The following ALK variants were observed in gnomAD, a reference collection of about 807,000 sequenced individuals.
ALK encodes the protein ALK receptor tyrosine kinase.
In ALK, 74 loss-of-function variants were observed where a neutral mutation model predicts 163.1. That is an observed-to-expected ratio of 0.45 (90% confidence interval 0.38 to 0.55). The LOEUF (loss-of-function observed/expected upper bound fraction) is 0.55. ALK is among the 20% of genes least tolerant of loss of function. The pLI is 0.00. For missense variants in ALK, 2,063 were observed against 2,105.3 expected, an observed-to-expected ratio of 0.98 and a Z score of 0.39; for synonymous variants, 960 against 843.2, an observed-to-expected ratio of 1.14 and a Z score of -2.40.
chr2:29,811,362 G>C (rs1233169051), intron 1 of ALK, among the ~76,000 whole-genome samples: 2 of 152,164 alleles, frequency 1.3e-5, no homozygotes, highest in Non-Finnish European at 2.9e-5. Flanking sequence ...AAAAGAAGCA[G>C]AGATAACCAG....
chr2:29,474,733 G>A (rs1671460414), intron 4 of ALK, among the ~76,000 whole-genome samples: 1 of 152,152 alleles, frequency 6.6e-6, no homozygotes, highest in South Asian at 2.1e-4. Flanking sequence ...GTACAGAAAC[G>A]TATTCGTGAA....
chr2:29,604,950 A>G (rs1463366989), intron 3 of ALK, among the ~76,000 whole-genome samples: 2 of 152,202 alleles, frequency 1.3e-5, no homozygotes, highest in East Asian at 3.9e-4. Flanking sequence ...ATATTCTGAC[A>G]TATTTCACTC....
intron 4 of ALK, among the ~76,000 whole-genome samples, chr2:29,467,438 T>C (rs1193367737): frequency 1.3e-5 from 2 of 152,232 alleles, no homozygotes; most frequent in East Asian, 3.8e-4. Flanking sequence ...ATTTTTCAGT[T>C]ACATAAGCCA....
intron 3 of ALK, among the ~76,000 whole-genome samples, chr2:29,577,369 T>G (rs1381463465): frequency 3.3e-5 from 5 of 152,234 alleles, no homozygotes; most frequent in Non-Finnish European, 5.9e-5. Flanking sequence ...TTGTATGCTC[T>G]GCTCAGTCAC....
chr2:29,331,158 T>G (rs1226411177), intron 5 of ALK, among the ~76,000 whole-genome samples: 3 of 152,132 alleles, frequency 2.0e-5, no homozygotes, highest in Non-Finnish European at 4.4e-5. Context: ...GGACTATTCA[T>G]CTCTACCTTT....
At chr2:29,797,948 A>G (rs1409500810) in intron 1 of ALK, among the ~76,000 whole-genome samples, 1 of 152,174 alleles carries the variant, frequency 6.6e-6, no homozygotes, top group Non-Finnish European at 1.5e-5. Context: ...AAGTAGAGCC[A>G]CCTGCGGAAG....
intron 4 of ALK, among the ~76,000 whole-genome samples, chr2:29,392,979 A>AGTTCATGGTCACTGAAT (rs1553310570): frequency 2.0e-5 from 3 of 151,506 alleles, no homozygotes; most frequent in Non-Finnish European, 4.4e-5. Context: ...GATCACTCAA[A>AGTTCATGGTCACTGAAT]GTTCAAGGTC....
chr2:29,611,639 G>C (rs937174401), intron 3 of ALK, among the ~76,000 whole-genome samples: 4 of 152,180 alleles, frequency 2.6e-5, no homozygotes, highest in African/African-American at 9.7e-5. Context: ...CACAGTTAGG[G>C]GGAGGGGCCT....
At chr2:29,486,842 C>T (rs188929038) in intron 4 of ALK, among the ~76,000 whole-genome samples, 4 of 152,088 alleles carry the variant, frequency 2.6e-5, no homozygotes. Context: ...TAATTAAAAC[C>T]AAAGTGGGCA....
chr2:29,228,096 G>A (rs1285645361), intron 16 of ALK, among the ~76,000 whole-genome samples: 3 of 152,162 alleles, frequency 2.0e-5, no homozygotes, highest in African/African-American at 2.4e-5. Flanking sequence ...CGGGAAATGA[G>A]CCCCTGTGCC....
chr2:29,480,396 A>G (rs750530873), intron 4 of ALK, among the ~76,000 whole-genome samples: 1 of 152,238 alleles, frequency 6.6e-6, no homozygotes, highest in Non-Finnish European at 1.5e-5. Flanking sequence ...TGTCTCTAAA[A>G]TATTTCATAA....
At chr2:29,518,218 C>A (rs1302891794) in intron 4 of ALK, among the ~76,000 whole-genome samples, 1 of 152,128 alleles carries the variant, frequency 6.6e-6, no homozygotes, top group African/African-American at 2.4e-5. Context: ...ATACTCTTCC[C>A]AAATTGATTC....
At chr2:29,251,746 A>C (rs1664821490) in intron 11 of ALK, among the ~76,000 whole-genome samples, 1 of 152,198 alleles carries the variant, frequency 6.6e-6, no homozygotes, top group Non-Finnish European at 1.5e-5. Context: ...ACTGCAACTA[A>C]CCTGCTCCCA....
At chr2:29,201,781 T>TAAA (rs34316026) in intron 26 of ALK, among the ~76,000 whole-genome samples, 8 of 138,414 alleles carry the variant, frequency 5.8e-5, no homozygotes, top group African/African-American at 2.1e-4. Context: ...AATGACAGTC[T>TAAA]AAAAAAAAAA....
chr2:29,611,362 C>T (rs1351783865), intron 3 of ALK, among the ~76,000 whole-genome samples: 2 of 152,176 alleles, frequency 1.3e-5, no homozygotes, highest in Admixed American at 6.5e-5. Context: ...TTTTCAGACT[C>T]AGCAAACATT....
chr2:29,421,955 C>T (rs1046040389), intron 4 of ALK, among the ~76,000 whole-genome samples: 2 of 151,584 alleles, frequency 1.3e-5, no homozygotes, highest in Admixed American at 1.3e-4. Flanking sequence ...TACAGCTAAC[C>T]TCTCTTTTTC....
At chr2:29,432,558 T>A (rs191131973) in intron 4 of ALK, among the ~76,000 whole-genome samples, 2 of 152,184 alleles carry the variant, frequency 1.3e-5, no homozygotes, top group Non-Finnish European at 2.9e-5. Flanking sequence ...CAGATTTGTA[T>A]GATAACGAGG....
intron 1 of ALK, among the ~76,000 whole-genome samples, chr2:29,904,538 T>C (rs574210988): frequency 6.6e-6 from 1 of 152,176 alleles, no homozygotes; most frequent in Non-Finnish European, 1.5e-5. Context: ...AAACAGAAGA[T>C]AATGGATAAT....
intron 3 of ALK, among the ~76,000 whole-genome samples, chr2:29,674,669 T>A (rs1204992107): frequency 4.0e-5 from 6 of 151,644 alleles, no homozygotes; most frequent in Admixed American, 2.6e-4. Context: ...GGCTTTGGTA[T>A]CAGAATGATG....
Sources: allele counts gnomAD v4.1 joint callset (sites outside exome capture counted in the v4.1 genomes callset), GRCh38; gene constraint gnomAD v4.1.1; transcripts MANE v1.5; gene names NCBI Gene and HGNC (gene_info 2026-07-23, HGNC 2026-07-21).